NTNG1: variants seen among roughly 807,000 people sequenced by gnomAD.
NTNG1 encodes netrin G1.
A neutral mutation model predicts 54.0 loss-of-function variants in NTNG1; 16 were observed. That is an observed-to-expected ratio of 0.30 (90% CI 0.20 to 0.45). The LOEUF (loss-of-function observed/expected upper bound fraction) is 0.45, where lower values mean the gene tolerates loss of function less well. NTNG1 is among the 20% of genes least tolerant of loss of function. NTNG1 has a pLI of 1.00. For missense variants in NTNG1, 530 were observed against 678.7 expected, an observed-to-expected ratio of 0.78 and a Z score of 2.43; for synonymous variants, 255 against 263.1, an observed-to-expected ratio of 0.97 and a Z score of 0.30.
At chr1:107,391,846 C>G (rs966700778) in intron 3 of NTNG1, among the ~76,000 whole-genome samples, 5 of 152,164 alleles carry the variant, frequency 3.3e-5, no homozygotes, top group Non-Finnish European at 5.9e-5. Context: ...CATCAGGTCC[C>G]TCCCTAGCAT....
intron 3 of NTNG1, among the ~76,000 whole-genome samples, chr1:107,358,969 G>T (rs1670103387): frequency 1.3e-5 from 2 of 152,150 alleles, no homozygotes; most frequent in African/African-American, 4.8e-5. Context: ...GCTGATCATT[G>T]TCTCACAAAA....
intron 2 of NTNG1, among the ~76,000 whole-genome samples, chr1:107,239,313 G>A (rs1661650728): frequency 6.6e-6 from 1 of 152,230 alleles, no homozygotes; most frequent in Non-Finnish European, 1.5e-5. Context: ...CAGTCTTCAT[G>A]GATTATATAG....
chr1:107,180,643 C>A (rs958018663), intron 2 of NTNG1, among the ~76,000 whole-genome samples: 33 of 152,092 alleles, frequency 2.2e-4, no homozygotes, highest in Non-Finnish European at 4.0e-4. Flanking sequence ...ATAAATGTCA[C>A]AAAATCTCTA....
At chr1:107,336,100 T>A (rs1668560792) in intron 3 of NTNG1, among the ~76,000 whole-genome samples, 2 of 151,750 alleles carry the variant, frequency 1.3e-5, no homozygotes. Flanking sequence ...TCATATAGAA[T>A]TTTAAGGGAC....
At chr1:107,358,756 C>A (rs1226541456) in intron 3 of NTNG1, among the ~76,000 whole-genome samples, 1 of 152,020 alleles carries the variant, frequency 6.6e-6, no homozygotes, top group Non-Finnish European at 1.5e-5. Context: ...CATATTTTTA[C>A]CCTTCAGACA....
At chr1:107,268,313 T>A (rs1019335791) in intron 2 of NTNG1, among the ~76,000 whole-genome samples, 3 of 152,084 alleles carry the variant, frequency 2.0e-5, no homozygotes, top group African/African-American at 7.2e-5. Context: ...CTGTAACAAA[T>A]ATAATTTGTG....
chr1:107,172,204 A>T (rs1415169195), intron 2 of NTNG1, among the ~76,000 whole-genome samples: 2 of 152,030 alleles, frequency 1.3e-5, no homozygotes, highest in African/African-American at 2.4e-5. Flanking sequence ...AGACTCAGAG[A>T]GCTCAAAGGG....
upstream of NTNG1, chr1:107,140,677 T>G (rs543381825): frequency 3.5e-5 from 5 of 141,690 alleles, no homozygotes; most frequent in Admixed American, 2.2e-4. Context: ...TGAAATAAAA[T>G]GAAAGCGGTG....
At chr1:107,360,412 A>C (rs1670191449) in intron 3 of NTNG1, among the ~76,000 whole-genome samples, 1 of 152,172 alleles carries the variant, frequency 6.6e-6, no homozygotes, top group Non-Finnish European at 1.5e-5. Context: ...CAGTGAGTGT[A>C]AAGACCCTGA....
intron 3 of NTNG1, among the ~76,000 whole-genome samples, chr1:107,376,759 G>C (rs541446699): frequency 2.0e-5 from 3 of 152,216 alleles, no homozygotes; most frequent in African/African-American, 7.2e-5. Context: ...GAACCTTACT[G>C]GATAATTTCT....
At chr1:107,147,912 A>G (rs972812057) in intron 1 of NTNG1, among the ~76,000 whole-genome samples, 157 bp from the exon 2 acceptor site, 1 of 152,178 alleles carries the variant, frequency 6.6e-6, no homozygotes, top group Admixed American at 6.5e-5. Context: ...AATGATTTCC[A>G]TGGTTTGCTC....
intron 2 of NTNG1, among the ~76,000 whole-genome samples, chr1:107,227,007 C>T (rs1024964846): frequency 2.0e-4 from 31 of 152,052 alleles, no homozygotes; most frequent in African/African-American, 6.5e-4. Context: ...CAGTAATGGG[C>T]GAATACCCAG....
At chr1:107,289,551 C>T (rs1242692697) in intron 2 of NTNG1, among the ~76,000 whole-genome samples, 1 of 152,120 alleles carries the variant, frequency 6.6e-6, no homozygotes, top group East Asian at 1.9e-4. Flanking sequence ...GTTTTCTATA[C>T]TTATGTTGTC....
chr1:107,297,124 C>T (rs546938550), intron 2 of NTNG1, among the ~76,000 whole-genome samples: 11 of 140,688 alleles, frequency 7.8e-5, no homozygotes, highest in African/African-American at 1.8e-4. Flanking sequence ...CAAACACACA[C>T]ATATATATAT....
intron 2 of NTNG1, among the ~76,000 whole-genome samples, chr1:107,255,808 CTGTT>C (rs1443220841): frequency 6.6e-6 from 1 of 152,126 alleles, no homozygotes; most frequent in Admixed American, 6.5e-5. Flanking sequence ...AAAATGAGCC[CTGTT>C]TTTCATAGCA....
chr1:107,471,483 A>G (rs1301110508), intron 7 of NTNG1, among the ~76,000 whole-genome samples: 13 of 152,208 alleles, frequency 8.5e-5, no homozygotes, highest in Admixed American at 2.0e-4. Flanking sequence ...AAGGTGGGCT[A>G]TGGAGCAGTA....
intron 7 of NTNG1, chr1:107,455,721 C>T: frequency 2.6e-6 from 1 of 387,902 alleles, no homozygotes; most frequent in Non-Finnish European, 5.7e-6. Flanking sequence ...GCGGATGAGC[C>T]TTTTACTGTG....
At position 107,311,312 on chromosome 1, in the gene NTNG1, CA is replaced by C. The variant is rs781538017; in HGVS notation, c.247-12968del. Among the ~76,000 whole-genome samples the C allele has an allele frequency of 2.6e-5, 4 of 152,088 alleles. No individual in the cohort carries two copies. In the East Asian group the frequency reaches 7.7e-4, roughly 29 times the overall value. On this transcript the variant is annotated intron_variant, in intron 2 of 7. Coordinates refer to ENST00000370068, the MANE Select transcript of NTNG1 (RefSeq NM_001113226.3). ...GATGCTGTGGATTGGATAAATAAGGCAAGATAGGATTAGGGAAAGAGATGGT... is the reference window on the plus strand; with the variant it reads ...GATGCTGTGGATTGGATAAATAAGGCAGATAGGATTAGGGAAAGAGATGGT...
chr1:107,229,772 C>A (rs1447031196), intron 2 of NTNG1, among the ~76,000 whole-genome samples: 1 of 151,602 alleles, frequency 6.6e-6, no homozygotes, highest in African/African-American at 2.4e-5. Context: ...CAAGTGATTC[C>A]TTCACTTAAG....
Sources: gnomAD v4.1 joint callset for allele counts (sites outside exome capture counted in the v4.1 genomes callset) on GRCh38, gnomAD v4.1.1 for gene constraint, MANE v1.5 for transcripts, NCBI Gene and HGNC (gene_info 2026-07-23, HGNC 2026-07-21) for gene names.